PTPRD: variants seen among roughly 807,000 people sequenced by gnomAD.
PTPRD encodes the protein protein tyrosine phosphatase receptor type D.
Under a neutral mutation model 214.5 loss-of-function variants are expected in PTPRD, and 34 were observed. That is an observed-to-expected ratio of 0.16 (90% CI 0.12 to 0.21). The LOEUF (loss-of-function observed/expected upper bound fraction) is 0.21, where lower values mean the gene tolerates loss of function less well. PTPRD is among the 10% of genes least tolerant of loss of function. The probability of loss-of-function intolerance (pLI) is 1.00; values close to 1 mark genes in which losing one functional copy is unlikely to be tolerated. For missense variants in PTPRD, 2,545 were observed against 2,398.7 expected (o/e 1.06, Z -1.27); for synonymous variants, 1,128 against 845.7 (o/e 1.33, Z -5.79).
At chr9:9,791,852 T>C (rs2153474666) in intron 5 of PTPRD, among the ~76,000 whole-genome samples, 1 of 152,300 alleles carries the variant, frequency 6.6e-6, no homozygotes, top group East Asian at 1.9e-4. Context: ...CATGCTGCCA[T>C]CTTCTGGTTA....
chr9:8,673,497 C>G (rs988097935), intron 12 of PTPRD, among the ~76,000 whole-genome samples: 2 of 152,182 alleles, frequency 1.3e-5, no homozygotes, highest in Non-Finnish European at 2.9e-5. Flanking sequence ...ATATGAACCT[C>G]ACAACTGCCA....
chr9:10,462,568 A>C (rs562058899), intron 2 of PTPRD, among the ~76,000 whole-genome samples: 1 of 152,046 alleles, frequency 6.6e-6, no homozygotes, highest in Admixed American at 6.5e-5. Context: ...CATAAGAAAA[A>C]CTATCTTGGG....
At chr9:10,025,645 G>T (rs757060568) in intron 4 of PTPRD, among the ~76,000 whole-genome samples, 4 of 152,128 alleles carry the variant, frequency 2.6e-5, no homozygotes, top group Admixed American at 1.3e-4. Flanking sequence ...AGAGAAATCT[G>T]AGAAACTTTT....
rs58417089 is a variant in PTPRD, at chr9:10,317,087, G to A, written c.-545+23876C>T. ...GAAAATGTAATTCCGTACACAGTGG[G>A]TTTATTTCCCTTGTGACACTGGCTA... On this transcript the variant is annotated intron_variant, in intron 3 of 45. Transcript: ENST00000381196. Among the ~76,000 whole-genome samples the A allele has an allele frequency of 6.7e-3, 1,018 of 151,974 alleles. 8 individuals are homozygous for A. Among genetic ancestry groups the A allele is most frequent in the African/African-American group, 0.023 (954 of 41,510 alleles).
intron 3 of PTPRD, among the ~76,000 whole-genome samples, chr9:10,157,583 G>A (rs538344920): frequency 6.6e-6 from 1 of 151,774 alleles, no homozygotes; most frequent in Non-Finnish European, 1.5e-5. Context: ...CTTTCATTTT[G>A]CCCTTGGGGA....
chr9:8,523,465 T>A (rs2097931528), intron 19 of PTPRD, 48 bp downstream of exon 19: 1 of 1,595,898 alleles, frequency 6.3e-7, no homozygotes, highest in East Asian at 2.2e-5. Flanking sequence ...TGTTATTGGT[T>A]TAATTAATAG....
At chr9:9,288,693 G>T (rs1240983458) in intron 9 of PTPRD, among the ~76,000 whole-genome samples, 2 of 151,682 alleles carry the variant, frequency 1.3e-5, no homozygotes, top group Non-Finnish European at 2.9e-5. Flanking sequence ...GTTTTTCTTG[G>T]TAGTCAACAT....
At chr9:10,197,693 C>T (rs2099403455) in intron 3 of PTPRD, among the ~76,000 whole-genome samples, 1 of 152,020 alleles carries the variant, frequency 6.6e-6, no homozygotes. Flanking sequence ...TTAGAAGCTT[C>T]AGGAAAAGCA....
chr9:8,560,974 A>C (rs2141254501), intron 14 of PTPRD, among the ~76,000 whole-genome samples: 1 of 151,846 alleles, frequency 6.6e-6, no homozygotes, highest in African/African-American at 2.4e-5. Flanking sequence ...CAGTGAAAGG[A>C]GGCAGTCAAA....
intron 30 of PTPRD, among the ~76,000 whole-genome samples, chr9:8,480,550 A>G (rs1290155184): frequency 1.3e-5 from 2 of 152,160 alleles, no homozygotes; most frequent in Non-Finnish European, 2.9e-5. Context: ...AACGTTGACT[A>G]TTAGGGTATG....
chr9:8,566,557 G>C (rs1473203107), intron 14 of PTPRD, among the ~76,000 whole-genome samples: 2 of 152,138 alleles, frequency 1.3e-5, no homozygotes, highest in African/African-American at 4.8e-5. Flanking sequence ...CCTCTGAGTA[G>C]GGCAAGAGTT....
chr9:9,006,532 T>C (rs191080724), intron 11 of PTPRD, among the ~76,000 whole-genome samples: 32 of 152,140 alleles, frequency 2.1e-4, no homozygotes, highest in Admixed American at 1.2e-3. Context: ...AAAATGGAGA[T>C]TGAACTCTAA....
At chr9:8,437,703 T>C (rs1399358625) in intron 34 of PTPRD, among the ~76,000 whole-genome samples, 1 of 151,942 alleles carries the variant, frequency 6.6e-6, no homozygotes. Flanking sequence ...TGTCCACTAA[T>C]GAGAAATGGA....
At chr9:8,434,327 A>C (rs192840065) in intron 35 of PTPRD, among the ~76,000 whole-genome samples, 5 of 152,296 alleles carry the variant, frequency 3.3e-5, no homozygotes, top group African/African-American at 1.2e-4. Flanking sequence ...TTCTTTGTTT[A>C]AACACACAAA....
intron 11 of PTPRD, among the ~76,000 whole-genome samples, chr9:8,752,659 C>G (rs767595923): frequency 6.6e-6 from 1 of 152,178 alleles, no homozygotes; most frequent in African/African-American, 2.4e-5. Flanking sequence ...CGAGCCCAGA[C>G]TAGCCTGGTG....
chr9:8,665,433 A>C (rs1473672411), intron 12 of PTPRD, among the ~76,000 whole-genome samples: 1 of 152,188 alleles, frequency 6.6e-6, no homozygotes, highest in East Asian at 1.9e-4. Context: ...ATTAAAAGGC[A>C]GGGTTTTTTG....
chr9:10,477,591 G>C (rs992991923), intron 2 of PTPRD, among the ~76,000 whole-genome samples: 4 of 152,072 alleles, frequency 2.6e-5, no homozygotes, highest in Non-Finnish European at 5.9e-5. Flanking sequence ...CAAGGATCTA[G>C]AACCAGAAAT....
intron 3 of PTPRD, among the ~76,000 whole-genome samples, chr9:10,233,424 T>G (rs989126154): frequency 3.3e-5 from 5 of 151,980 alleles, no homozygotes; most frequent in African/African-American, 1.2e-4. Context: ...ATCCAACAAT[T>G]TTTTTCATAA....
chr9:10,267,308 A>T (rs1158112638), intron 3 of PTPRD, among the ~76,000 whole-genome samples: 1 of 152,240 alleles, frequency 6.6e-6, no homozygotes, highest in East Asian at 1.9e-4. Context: ...TATACAAATT[A>T]TAGGCACTTA....
Sources: gnomAD v4.1 joint callset for allele counts (sites outside exome capture counted in the v4.1 genomes callset) on GRCh38, gnomAD v4.1.1 for gene constraint, MANE v1.5 for transcripts, NCBI Gene and HGNC (gene_info 2026-07-23, HGNC 2026-07-21) for gene names.